Variants in PRDM5 observed in about 807,000 individuals in gnomAD.
The protein encoded by PRDM5 is PR/SET domain 5, also known as PR domain zinc finger protein 5.
PRDM5 carries 56 observed loss-of-function variants against 81.2 expected under a neutral mutation model. The ratio of observed to expected loss-of-function variants is 0.69; its 90% CI spans 0.56 to 0.86. The LOEUF (loss-of-function observed/expected upper bound fraction) is 0.86. Among genes scored for constraint, PRDM5 ranks in the 40% least tolerant of loss-of-function variants. PRDM5 has a pLI of 0.00. For missense variants in PRDM5, 697 were observed against 770.1 expected, an observed-to-expected ratio of 0.91 and a Z score of 1.12; for synonymous variants, 267 against 256.4, an observed-to-expected ratio of 1.04 and a Z score of -0.39.
intron 15 of PRDM5, among the ~76,000 whole-genome samples, chr4:120,705,936 TGA>T (rs1291660968): frequency 1.8e-4 from 28 of 152,046 alleles, no homozygotes; most frequent in Non-Finnish European, 1.0e-4. Flanking sequence ...ATGTAGGGTG[TGA>T]GAGAATTAGA....
At chr4:120,864,723 A>C (rs1196971963) in intron 2 of PRDM5, among the ~76,000 whole-genome samples, 1 of 152,222 alleles carries the variant, frequency 6.6e-6, no homozygotes, top group African/African-American at 2.4e-5. Flanking sequence ...TAAACATTTT[A>C]TTCATAAAAA....
chr4:120,725,608 T>A lies in PRDM5; in HGVS notation c.1624-15195A>T, dbSNP rs114465610. On this transcript the variant is annotated intron_variant, in intron 14 of 15. Transcript: ENST00000264808. ...CATGGAAAGAGTGATGAACCATCCC[T>A]TTTTGCCCAGGACTAGCCTGGTTTT... Among the ~76,000 whole-genome samples, 281 of 152,228 alleles carry A rather than the reference T, an allele frequency of 1.8e-3. 1 individual carries two copies. Among genetic ancestry groups the A allele is most frequent in the African/African-American group, 6.4e-3 (266 of 41,548 alleles).
intron 3 of PRDM5, among the ~76,000 whole-genome samples, chr4:120,835,391 C>A (rs1386288587): frequency 2.0e-5 from 3 of 152,160 alleles, no homozygotes; most frequent in Non-Finnish European, 2.9e-5. Context: ...TGCCTGTGTG[C>A]ATGCATGTAC....
intron 13 of PRDM5, among the ~76,000 whole-genome samples, chr4:120,770,637 T>C (rs1454602633): frequency 1.3e-5 from 2 of 152,056 alleles, no homozygotes; most frequent in Non-Finnish European, 2.9e-5. Flanking sequence ...GACAAAAAGG[T>C]TGTGTCCAGC....
At chr4:120,810,408 C>T (rs1753665883) in intron 8 of PRDM5, 1 of 152,034 alleles carries the variant, frequency 6.6e-6, no homozygotes. Flanking sequence ...GAAAAAAGAC[C>T]TATAAAAGGG....
intron 10 of PRDM5, among the ~76,000 whole-genome samples, chr4:120,790,799 T>C (rs1176840868): frequency 6.6e-6 from 1 of 152,052 alleles, no homozygotes; most frequent in African/African-American, 2.4e-5. Context: ...GTTGGATGGA[T>C]AGATAGATTT....
intron 3 of PRDM5, among the ~76,000 whole-genome samples, chr4:120,828,934 G>A (rs1756367091): frequency 6.6e-6 from 1 of 151,894 alleles, no homozygotes; most frequent in African/African-American, 2.4e-5. Flanking sequence ...TGATAGAGTT[G>A]GACTTTATAA....
In PRDM5 at chr4:120,809,759, T is replaced by C. The variant is rs533353244; in HGVS notation, c.945+1611A>G. Among the ~76,000 whole-genome samples, 22 of 152,312 alleles carry C rather than the reference T, an allele frequency of 1.4e-4. No homozygotes were observed. The South Asian group carries it at 1.7e-3, about 11-fold the overall frequency. On this transcript the variant is annotated intron_variant, in intron 8 of 15. Transcript: ENST00000264808. Reference sequence around the variant, plus strand: ...TTCTCAACTATAGGAAAAGTTCCAATTGGAGTCAATAAAAGTTGACTATGG... The same window carrying C: ...TTCTCAACTATAGGAAAAGTTCCAACTGGAGTCAATAAAAGTTGACTATGG...
intron 2 of PRDM5, among the ~76,000 whole-genome samples, chr4:120,856,196 C>T (rs949362202): frequency 2.2e-4 from 34 of 152,186 alleles, no homozygotes; most frequent in African/African-American, 6.7e-4. Context: ...CACAATATTC[C>T]GTCTTAAGGG....
Position 120,826,928 on chromosome 4 carries a change from G to A in PRDM5, c.301-5583C>T, listed in dbSNP as rs9991843. Among the ~76,000 whole-genome samples, 9 of 152,174 alleles carry A rather than the reference G, an allele frequency of 5.9e-5. No homozygotes were observed. In the East Asian group the frequency reaches 1.2e-3, roughly 20 times the overall value. On this transcript the variant is annotated intron_variant, in intron 3 of 15. Transcript: ENST00000264808. ...TAATAATGATTCTTCTTACAGATTC[G>A]AAACAAAACACTAACTGTGAATTTT...
Position 120,799,628 on chromosome 4 carries a change from T to C in PRDM5, c.1030+33A>G, listed in dbSNP as rs766914302. 1.9e-6 allele frequency: 3 copies of C among 1,606,292 alleles called. No individual in the cohort carries two copies. In the Admixed American group the frequency reaches 5.0e-5, roughly 27 times the overall value. ...TGACAATGTAATTTTTTTGTAATGA[T>C]ATCACTATAAACAAAAAAAGTATAT... On this transcript the variant is annotated intron_variant, in intron 9 of 15. Coordinates refer to ENST00000264808, the MANE Select transcript of PRDM5 (RefSeq NM_018699.4).
chr4:120,912,872 G>A (rs1466880532), intron 1 of PRDM5, among the ~76,000 whole-genome samples: 4 of 152,160 alleles, frequency 2.6e-5, no homozygotes, highest in African/African-American at 9.7e-5. Flanking sequence ...GTTTTTCACA[G>A]AAGGAGACTA....
At chr4:120,878,057 T>C (rs1286201402) in intron 2 of PRDM5, among the ~76,000 whole-genome samples, 1 of 152,202 alleles carries the variant, frequency 6.6e-6, no homozygotes, top group Non-Finnish European at 1.5e-5. Context: ...TACGTCCATA[T>C]GGTAACTAAA....
chr4:120,733,904 A>C (rs1341124564), intron 14 of PRDM5, among the ~76,000 whole-genome samples: 10 of 151,976 alleles, frequency 6.6e-5, no homozygotes, highest in African/African-American at 1.7e-4. Flanking sequence ...AAAAAAAAAA[A>C]AAACAAAAAA....
intron 11 of PRDM5, 145 bp from the exon 12 acceptor site, chr4:120,781,448 A>G (rs982492670): frequency 1.3e-6 from 1 of 753,566 alleles, no homozygotes; most frequent in African/African-American, 1.7e-5. Flanking sequence ...AACAAATTCC[A>G]GTTCCATTAT....
At chr4:120,685,929 A>G (rs2148974777) in intron 1 of PRDM5, among the ~76,000 whole-genome samples, 1 of 151,990 alleles carries the variant, frequency 6.6e-6, no homozygotes, top group East Asian at 1.9e-4. Context: ...GTGGGAGTTG[A>G]TTGCATCATG....
chr4:120,734,460 C>T (rs189908559), intron 14 of PRDM5, among the ~76,000 whole-genome samples: 4 of 147,666 alleles, frequency 2.7e-5, no homozygotes, highest in African/African-American at 1.1e-4. Flanking sequence ...TTACTCACTA[C>T]GTTCAAACTA....
intron 14 of PRDM5, among the ~76,000 whole-genome samples, chr4:120,721,405 C>T (rs1004234073): frequency 2.6e-5 from 4 of 152,096 alleles, no homozygotes; most frequent in African/African-American, 9.7e-5. Context: ...TCCCAAGGTG[C>T]CTCTAATGCG....
chr4:120,918,200 T>TA (rs1724439408), intron 1 of PRDM5, among the ~76,000 whole-genome samples: 1 of 152,224 alleles, frequency 6.6e-6, no homozygotes, highest in Non-Finnish European at 1.5e-5. Flanking sequence ...TAAAAAATGT[T>TA]TAATAACACC....
Sources: allele counts gnomAD v4.1 joint callset (sites outside exome capture counted in the v4.1 genomes callset), GRCh38; gene constraint gnomAD v4.1.1; transcripts MANE v1.5; gene names NCBI Gene and HGNC (gene_info 2026-07-23, HGNC 2026-07-21).